Variants in CSMD1 observed in about 807,000 individuals in gnomAD.
The protein encoded by CSMD1 is CUB and sushi domain-containing protein 1.
CSMD1 carries 213 observed loss-of-function variants against 417.5 expected under a neutral mutation model. The ratio of observed to expected loss-of-function variants is 0.51; its 90% CI spans 0.46 to 0.57. The LOEUF (loss-of-function observed/expected upper bound fraction) is 0.57, where lower values mean the gene tolerates loss of function less well. CSMD1 is among the 20% of genes least tolerant of loss of function. CSMD1 has a pLI of 0.00. For synonymous variants in CSMD1, 2,862 were observed against 1,736.8 expected, an observed-to-expected ratio of 1.65 and a Z score of -16.11; for missense variants, 6,923 against 4,529.7, an observed-to-expected ratio of 1.53 and a Z score of -15.17.
chr8:3,366,251 G>C (rs753933544), intron 20 of CSMD1, among the ~76,000 whole-genome samples: 9 of 152,068 alleles, frequency 5.9e-5, no homozygotes, highest in Non-Finnish European at 8.8e-5. Context: ...GGAGGGTGGG[G>C]GCATGCTGGA....
intron 5 of CSMD1, among the ~76,000 whole-genome samples, chr8:3,987,286 G>A (rs1055395050): frequency 2.6e-5 from 4 of 152,298 alleles, no homozygotes; most frequent in South Asian, 2.1e-4. Context: ...TCTGTAACAT[G>A]TTCTGTGATG....
rs1205698310 is a variant in CSMD1 at position 3,308,306 on chromosome 8, A to G, written c.3823+6T>C. 3 of 1,596,274 alleles carry G rather than the reference A, an allele frequency of 1.9e-6. No individual in the cohort carries two copies. The highest frequency in any genetic ancestry group is 2.6e-6 in the Non-Finnish European group (3 of 1,166,336). The stretch of plus-strand genomic sequence containing the variant: ...TGCACAATGGTATGACTGCTTCCAC[A>G]CTCACCTATGCACGAAGGTAGTGGT... On this transcript the variant is annotated splice_donor_region_variant and intron_variant, in intron 24 of 69. Transcript: ENST00000635120.
chr8:2,985,694 G>T (rs1034233263), intron 54 of CSMD1, among the ~76,000 whole-genome samples: 5 of 152,174 alleles, frequency 3.3e-5, no homozygotes, highest in African/African-American at 4.8e-5. Context: ...AAAGTCATAG[G>T]AGAGGGTGAC....
chr8:3,681,679 G>GA (rs1196817143), intron 7 of CSMD1, among the ~76,000 whole-genome samples: 9 of 151,972 alleles, frequency 5.9e-5, no homozygotes, highest in Non-Finnish European at 1.2e-4. Context: ...CACAGAATTG[G>GA]AAAAAAACTA....
rs533905443 is a variant in CSMD1 at position 3,705,944 on chromosome 8, G to C, written c.1009+2470C>G. 1.1e-4 allele frequency among the ~76,000 whole-genome samples: 16 copies of C among 152,342 alleles called. No individual in the cohort carries two copies. The South Asian group carries it at 2.5e-3, about 24-fold the overall frequency. On this transcript the variant is annotated intron_variant, in intron 7 of 69. Coordinates refer to ENST00000635120, the MANE Select transcript of CSMD1 (RefSeq NM_033225.6). ...TCAGCAATAGGCATGTGGGCAGCCA[G>C]TGTCACCTTGGGTATCAAGAACGTA...
At position 4,345,425 on chromosome 8, in the gene CSMD1, C is replaced by G. The variant is rs145062984; in HGVS notation, c.415+74528G>C. 1.2e-3 allele frequency among the ~76,000 whole-genome samples: 184 copies of G among 151,988 alleles called. 7 individuals are homozygous for G. In the East Asian group the frequency reaches 0.033, roughly 27 times the overall value. ...ATACATGGATACAATGTATAGTGAT[C>G]AAATCAGGATAAAGAAGAGAAAAAA... On this transcript the variant is annotated intron_variant, in intron 3 of 69. Transcript: ENST00000635120.
At chr8:3,967,663 C>G (rs60461288) in intron 5 of CSMD1, among the ~76,000 whole-genome samples, 2 of 152,182 alleles carry the variant, frequency 1.3e-5, no homozygotes, top group South Asian at 2.1e-4. Context: ...CTACAATTGT[C>G]CTTGTCAATA....
chr8:3,947,722 T>G (rs1811330450), intron 5 of CSMD1, among the ~76,000 whole-genome samples: 1 of 152,210 alleles, frequency 6.6e-6, no homozygotes, highest in African/African-American at 2.4e-5. Context: ...AGCCTTTTTT[T>G]AACGGCACAG....
At chr8:3,625,217 C>G (rs1796437074) in intron 7 of CSMD1, among the ~76,000 whole-genome samples, 1 of 152,014 alleles carries the variant, frequency 6.6e-6, no homozygotes, top group Non-Finnish European at 1.5e-5. Flanking sequence ...ATGATAAACT[C>G]TTATTATCGG....
intron 1 of CSMD1, among the ~76,000 whole-genome samples, chr8:4,701,696 A>G (rs918803342): frequency 6.6e-6 from 1 of 152,140 alleles, no homozygotes; most frequent in Non-Finnish European, 1.5e-5. Context: ...TAAAAAAAAA[A>G]GTAGAGTGGT....
At chr8:3,750,971 G>C (rs1157215130) in intron 6 of CSMD1, among the ~76,000 whole-genome samples, 1 of 152,100 alleles carries the variant, frequency 6.6e-6, no homozygotes, top group African/African-American at 2.4e-5. Flanking sequence ...TCCTCCTTCT[G>C]ATGGGTCTTG....
chr8:4,753,492 T>C (rs1210224240), intron 1 of CSMD1, among the ~76,000 whole-genome samples: 4 of 151,874 alleles, frequency 2.6e-5, no homozygotes, highest in Non-Finnish European at 5.9e-5. Context: ...CCCTCCATTC[T>C]TCTTTTTCAT....
intron 9 of CSMD1, among the ~76,000 whole-genome samples, chr8:3,584,546 A>G (rs1295707272): frequency 2.0e-5 from 3 of 152,172 alleles, no homozygotes; most frequent in Admixed American, 6.5e-5. Context: ...TGAGTGTGTG[A>G]TATCTTTGGG....
At chr8:3,364,513 G>A (rs904695153) in intron 20 of CSMD1, among the ~76,000 whole-genome samples, 1 of 152,186 alleles carries the variant, frequency 6.6e-6, no homozygotes, top group Non-Finnish European at 1.5e-5. Context: ...TAATGACAGT[G>A]TCAGCTGTGT....
intron 2 of CSMD1, among the ~76,000 whole-genome samples, chr8:4,565,020 T>C (rs1174608878): frequency 2.0e-5 from 3 of 152,182 alleles, no homozygotes; most frequent in Non-Finnish European, 4.4e-5. Context: ...TAGATGTCTG[T>C]CATCTTCAAC....
rs531235949 is a variant in CSMD1, at chr8:3,585,808, T to A, written c.1222+328A>T. ...TAGGTTTGCGGGGTGCACAGAAACC[T>A]TTCCGGCAGGTCCAGCTGTGGGACA... On this transcript the variant is annotated intron_variant, in intron 9 of 69. Transcript: ENST00000635120. 3.3e-4 allele frequency among the ~76,000 whole-genome samples: 51 copies of A among 152,300 alleles called. No homozygotes were observed. The South Asian group carries it at 3.7e-3, about 11-fold the overall frequency.
intron 7 of CSMD1, among the ~76,000 whole-genome samples, chr8:3,625,708 T>G (rs1322450654): frequency 6.6e-6 from 1 of 152,162 alleles, no homozygotes; most frequent in Non-Finnish European, 1.5e-5. Context: ...TTCCTAAAAT[T>G]CAGTCATTCA....
intron 7 of CSMD1, among the ~76,000 whole-genome samples, chr8:3,653,762 G>C (rs1377741619): frequency 1.3e-5 from 2 of 152,120 alleles, no homozygotes; most frequent in Non-Finnish European, 2.9e-5. Context: ...GTTACACAGT[G>C]GGTCCCCAAA....
At chr8:3,647,685 T>C (rs147326735) in intron 7 of CSMD1, among the ~76,000 whole-genome samples, 1 of 152,318 alleles carries the variant, frequency 6.6e-6, no homozygotes, top group Admixed American at 6.5e-5. Context: ...TTAGTACAGT[T>C]ATTGTAAGAC....
Sources: gnomAD v4.1 joint callset for allele counts (sites outside exome capture counted in the v4.1 genomes callset) on GRCh38, gnomAD v4.1.1 for gene constraint, MANE v1.5 for transcripts, NCBI Gene and HGNC (gene_info 2026-07-23, HGNC 2026-07-21) for gene names.